GFY: variants seen among roughly 807,000 people sequenced by gnomAD.
GFY encodes the protein Golgi-associated olfactory signaling regulator.
Under a neutral mutation model 29.1 loss-of-function variants are expected in GFY, and 28 were observed. The ratio of observed to expected loss-of-function variants is 0.96; its 90% CI spans 0.71 to 1.32. The LOEUF (loss-of-function observed/expected upper bound fraction) is 1.32. GFY is among the 40% of genes most tolerant of loss of function. The probability of loss-of-function intolerance (pLI) is 0.00; values close to 1 mark genes in which losing one functional copy is unlikely to be tolerated. For synonymous variants in GFY, 277 were observed against 274.5 expected, an observed-to-expected ratio of 1.01 and a Z score of -0.09; for missense variants, 656 against 661.9, an observed-to-expected ratio of 0.99 and a Z score of 0.10.
At chr19:49,424,322 A>C (rs1975051004), upstream of GFY, among the ~76,000 whole-genome samples, 1 of 152,146 alleles carries the variant, frequency 6.6e-6, no homozygotes, top group Non-Finnish European at 1.5e-5. Flanking sequence ...GGCTCACTGC[A>C]ACCTCCACCT....
At position 49,426,866 on chromosome 19, in the gene GFY, C is replaced by G; in HGVS notation, c.436C>G (p.His146Asp). The G allele has an allele frequency of 6.5e-7, 1 of 1,536,016 alleles. No individual in the cohort carries two copies. The highest frequency in any genetic ancestry group is 1.2e-5 in the South Asian group (1 of 84,032). The change falls in exon 2 of 4, where the codon CAC becomes GAC. Residue 146 changes from histidine to aspartate, a missense_variant. By Grantham distance (81) the His-to-Asp change is moderately conservative. Transcript: ENST00000610896. The part of the protein sequence containing the change: ...TPTPGPTEMP[H>D]PGSPETPKPN... ...CACACCTGGCCCAACTGAAATGCCACACCCAGGATCCCCTGAGACCCCCAA... is the reference window on the plus strand; with the variant it reads ...CACACCTGGCCCAACTGAAATGCCAGACCCAGGATCCCCTGAGACCCCCAA...
rs1003792255 is a variant in GFY, at chr19:49,426,330, A to G, written c.-21-80A>G. 1.3e-5 allele frequency: 19 copies of G among 1,441,968 alleles called. No individual in the cohort carries two copies. The African/African-American group carries it at 1.7e-4, about 13-fold the overall frequency. 89.3% of individuals were successfully genotyped at this position (1,441,968 alleles called of 1,614,324 possible). A position where few individuals can be genotyped will look rare whatever the true frequency, so the allele number is the denominator to read the frequency against. On this transcript the variant is annotated intron_variant, in intron 1 of 3. Transcript: ENST00000610896. ...GACAGACGTGGTCCACCTGTGTTCC[A>G]GTGGGCGTGGCCTCCGGGAGTGGGC...
Position 49,426,709 on chromosome 19 carries a change from C to T in GFY, c.279C>T (p.Leu93=), listed in dbSNP as rs558662131. The change falls in exon 2 of 4, where the codon CTC becomes CTT. Residue 93 remains leucine, a synonymous_variant. Transcript: ENST00000610896. ...TCACTGAGCCCCTCAACCCTGACCTCCGAGAAACCCCGCACCCAGAGTCTC... is the reference window on the plus strand; with the variant it reads ...TCACTGAGCCCCTCAACCCTGACCTTCGAGAAACCCCGCACCCAGAGTCTC... ...LDFTEPLNPD[L]RETPHPESPE... is the part of the protein sequence containing the mutation. 6.5e-7 allele frequency: 1 copy of T among 1,536,178 alleles called. No individual in the cohort carries two copies. The highest frequency in any genetic ancestry group is 2.4e-5 in the East Asian group (1 of 40,912).
intron 1 of GFY, among the ~76,000 whole-genome samples, 155 bp downstream of exon 1, chr19:49,425,644 C>T (rs535368361): frequency 6.6e-6 from 1 of 152,138 alleles, no homozygotes; most frequent in Non-Finnish European, 1.5e-5. Context: ...GAGAGTCCTG[C>T]CCCAAAGCTC....
In GFY at chr19:49,426,799, T is replaced by C; in HGVS notation, c.369T>C (p.Thr123=). ...CAGAATCCCTGGACATGCCCAAAAC[T>C]AACCTCTCCAAAATGGCACACCCAG... ...SISESLDMPK[T]NLSKMAHPES... The change falls in exon 2 of 4, where the codon ACT becomes ACC. Residue 123 remains threonine (T), a synonymous_variant. Coordinates refer to ENST00000610896, the MANE Select transcript of GFY (RefSeq NM_001195256.2). 6.5e-7 allele frequency: 1 copy of C among 1,533,238 alleles called. No homozygotes were observed. Among genetic ancestry groups the C allele is most frequent in the Non-Finnish European group, 8.7e-7 (1 of 1,146,472 alleles). 95.0% of individuals were successfully genotyped at this position (1,533,238 alleles called of 1,614,324 possible). A position where few individuals can be genotyped will look rare whatever the true frequency, so the allele number is the denominator to read the frequency against.
chr19:49,424,689 A>G (rs562753804), upstream of GFY, among the ~76,000 whole-genome samples: 32 of 152,234 alleles, frequency 2.1e-4, no homozygotes, highest in South Asian at 6.6e-3. Context: ...CTTCTCTACA[A>G]AAATACATAA....
chr19:49,428,809 C>G lies in GFY; in HGVS notation c.1548C>G (p.Asn516Lys), dbSNP rs553694287. 3.5e-6 allele frequency: 5 copies of G among 1,448,282 alleles called. No individual in the cohort carries two copies. The Admixed American group carries it at 1.3e-4, about 38-fold the overall frequency. 89.7% of individuals were successfully genotyped at this position (1,448,282 alleles called of 1,614,324 possible). ...TGTCCCCCGCCACGCTCCCCAACAA[C>G]TTCGTGTGAGCCCCACCGAGTTCTG... ...EALSPATLPN[N>K]FV is the part of the protein sequence containing the mutation. Residue 516 changes from asparagine to lysine, a missense_variant, in exon 4 of 4, where the codon AAC (asparagine) becomes AAG (lysine). Asn to Lys is a moderately conservative substitution (Grantham distance 94). Transcript: ENST00000610896.
rs1975091928 is a variant in GFY at position 49,427,622 on chromosome 19, C to T, written c.1183+9C>T. 1 of 1,434,016 alleles carries T rather than the reference C, an allele frequency of 7.0e-7. No individual in the cohort carries two copies. The highest frequency in any genetic ancestry group is 9.1e-7 in the Non-Finnish European group (1 of 1,098,626). 88.8% of individuals were successfully genotyped at this position (1,434,016 alleles called of 1,614,324 possible). On this transcript the variant is annotated intron_variant, in intron 2 of 3. Transcript: ENST00000610896. ...GCGAGTGAAGGAGACCGGTGAGGGG[C>T]AGGAGCCGGACTCCTGAGTCTGAGG...
At chr19:49,424,232 CTT>C (rs1975049768), upstream of GFY, among the ~76,000 whole-genome samples, 1 of 152,104 alleles carries the variant, frequency 6.6e-6, no homozygotes, top group African/African-American at 2.4e-5. Context: ...CACACTGACT[CTT>C]TTTGTGTGTG....
chr19:49,427,798 C>A, intron 2 of GFY, 148 bp from the exon 3 acceptor site: 1 of 721,312 alleles, frequency 1.4e-6, no homozygotes, highest in Non-Finnish European at 1.7e-6. Context: ...CGAGGGAGGA[C>A]CGGCTGGGGT....
rs576221763 is a variant in GFY at position 49,426,886 on chromosome 19, C to A, written c.456C>A (p.Thr152=). 1.2e-5 allele frequency: 18 copies of A among 1,535,982 alleles called. 1 individual carries two copies. In the African/African-American group the frequency reaches 1.5e-4, roughly 13 times the overall value. ...TEMPHPGSPE[T]PKPNFSKTSR... ...TGCCACACCCAGGATCCCCTGAGAC[C>A]CCCAAACCTAACTTCTCCAAAACTT... Residue 152 remains threonine (T), a synonymous_variant, in exon 2 of 4, where the codon ACC becomes ACA. Transcript: ENST00000610896.
In GFY at chr19:49,427,402, A is replaced by G. The variant is rs896041719; in HGVS notation, c.972A>G (p.Ser324=). Reference sequence around the variant, plus strand: ...CCGACTCCCCAAAATTGCCCACTTCAGATTCTCCAGGAATGGTTGAGCTGA... The same window carrying G: ...CCGACTCCCCAAAATTGCCCACTTCGGATTCTCCAGGAATGGTTGAGCTGA... ...IQPDSPKLPT[S]DSPGMVELKA... is the part of the protein sequence containing the mutation. Residue 324 remains serine (S), a synonymous_variant, in exon 2 of 4, where the codon TCA becomes TCG. Transcript: ENST00000610896. 3.9e-6 allele frequency: 6 copies of G among 1,535,866 alleles called. No individual in the cohort carries two copies. In the Admixed American group the frequency reaches 5.9e-5, roughly 15 times the overall value.
At chr19:49,424,433 G>A (rs577586892), upstream of GFY, among the ~76,000 whole-genome samples, 10 of 152,218 alleles carry the variant, frequency 6.6e-5, 1 homozygote, top group African/African-American at 2.4e-4. Flanking sequence ...AGTAGAGATA[G>A]GGTTTCGCCA....
intron 3 of GFY, 72 bp from the exon 4 acceptor site, chr19:49,428,547 G>T (rs1365082383): frequency 4.2e-6 from 5 of 1,178,084 alleles, no homozygotes; most frequent in Non-Finnish European, 5.6e-6. Flanking sequence ...GCACAAAAGC[G>T]GCCCTGGAGA....
At position 49,426,883 on chromosome 19, in the gene GFY, G is replaced by C. The variant is rs895603934; in HGVS notation, c.453G>C (p.Glu151Asp). The C allele has an allele frequency of 1.3e-6, 2 of 1,535,480 alleles. No individual in the cohort carries two copies. Among genetic ancestry groups the C allele is most frequent in the Non-Finnish European group, 1.7e-6 (2 of 1,146,770 alleles). Reference protein sequence around the residue: ...PTEMPHPGSPETPKPNFSKTS... With the variant: ...PTEMPHPGSPDTPKPNFSKTS... ...AAATGCCACACCCAGGATCCCCTGAGACCCCCAAACCTAACTTCTCCAAAA... is the reference window on the plus strand; with the variant it reads ...AAATGCCACACCCAGGATCCCCTGACACCCCCAAACCTAACTTCTCCAAAA... Residue 151 changes from glutamate to aspartate, a missense_variant, in exon 2 of 4, where the codon GAG becomes GAC. Physicochemically the swap from Glu to Asp is conservative, Grantham distance 45. Transcript: ENST00000610896.
At chr19:49,425,003 T>C (rs1381227008), upstream of GFY, among the ~76,000 whole-genome samples, 2 of 151,688 alleles carry the variant, frequency 1.3e-5, no homozygotes, top group African/African-American at 4.9e-5. Flanking sequence ...TAAGAGTGGA[T>C]GGGACAGGGA....
In GFY at chr19:49,428,537, G is replaced by T. The variant is rs1422952942; in HGVS notation, c.1358-82G>T. 4.5e-6 allele frequency: 5 copies of T among 1,100,038 alleles called. No homozygotes were observed. The Admixed American group carries it at 1.1e-4, about 24-fold the overall frequency. The allele number at this position is 1,100,038 out of a possible 1,614,324, so 68.1% of individuals were successfully genotyped here. A position where few individuals can be genotyped will look rare whatever the true frequency, so the allele number is the denominator to read the frequency against. On this transcript the variant is annotated intron_variant, in intron 3 of 3. Transcript: ENST00000610896. Reference sequence around the variant, plus strand: ...TCTCCGGCCTCCTGATCGGTCGGCCGCACAAAAGCGGCCCTGGAGATGATC... The same window carrying T: ...TCTCCGGCCTCCTGATCGGTCGGCCTCACAAAAGCGGCCCTGGAGATGATC...
chr19:49,424,877 T>G (rs765237144), upstream of GFY, among the ~76,000 whole-genome samples: 1 of 150,282 alleles, frequency 6.7e-6, no homozygotes. Flanking sequence ...TTATACACAG[T>G]GAGGAGAAGA....
upstream of GFY, among the ~76,000 whole-genome samples, chr19:49,424,849 A>T (rs940256412): frequency 2.0e-5 from 3 of 151,626 alleles, no homozygotes; most frequent in South Asian, 2.1e-4. Flanking sequence ...AAAAAAAAAA[A>T]TTTAAAAAGA....
Sources: gnomAD v4.1 joint callset for allele counts (sites outside exome capture counted in the v4.1 genomes callset) on GRCh38, gnomAD v4.1.1 for gene constraint, MANE v1.5 for transcripts, NCBI Gene and HGNC (gene_info 2026-07-23, HGNC 2026-07-21) for gene names.